The following SENP7 variants were observed in gnomAD, a reference collection of about 807,000 sequenced individuals.
The protein encoded by SENP7 is SUMO specific peptidase 7, also known as sentrin-specific protease 7.
Under a neutral mutation model 141.2 loss-of-function variants are expected in SENP7, and 64 were observed. That is an observed-to-expected ratio of 0.45 (90% CI 0.37 to 0.56). The LOEUF (loss-of-function observed/expected upper bound fraction) is 0.56. Among genes scored for constraint, SENP7 ranks in the 20% least tolerant of loss-of-function variants. The pLI, the probability that SENP7 is intolerant of heterozygous loss-of-function variation, is 0.00. For missense variants in SENP7, 1,025 were observed against 1,212.2 expected, an observed-to-expected ratio of 0.85 and a Z score of 2.29; for synonymous variants, 382 against 426.4, an observed-to-expected ratio of 0.90 and a Z score of 1.28.
intron 15 of SENP7, among the ~76,000 whole-genome samples, chr3:101,340,939 G>A (rs1187091525): frequency 3.9e-5 from 6 of 152,198 alleles, no homozygotes; most frequent in Non-Finnish European, 8.8e-5. Context: ...GAAAAATGTA[G>A]TCAGTAATGA....
At chr3:101,471,226 G>A (rs1008115880) in intron 3 of SENP7, among the ~76,000 whole-genome samples, 3 of 152,124 alleles carry the variant, frequency 2.0e-5, no homozygotes, top group African/African-American at 7.2e-5. Flanking sequence ...AAAGCTGGAG[G>A]CATCACACTA....
At chr3:101,424,184 C>T (rs928766980) in intron 4 of SENP7, among the ~76,000 whole-genome samples, 3 of 152,072 alleles carry the variant, frequency 2.0e-5, no homozygotes, top group African/African-American at 7.2e-5. Context: ...GCATTGGGTG[C>T]CCTGGGGTCC....
At chr3:101,377,165 G>A (rs922433792) in intron 6 of SENP7, among the ~76,000 whole-genome samples, 4 of 152,100 alleles carry the variant, frequency 2.6e-5, no homozygotes, top group Admixed American at 6.5e-5. Context: ...TGCATCAAAC[G>A]AAGTGCAATA....
intron 3 of SENP7, among the ~76,000 whole-genome samples, chr3:101,475,217 G>T (rs1043410255): frequency 6.6e-6 from 1 of 152,208 alleles, no homozygotes; most frequent in Non-Finnish European, 1.5e-5. Context: ...ACACCCAAAG[G>T]AATATAAATC....
intron 12 of SENP7, among the ~76,000 whole-genome samples, chr3:101,349,029 T>G (rs1050053963): frequency 6.6e-6 from 1 of 152,184 alleles, no homozygotes; most frequent in Admixed American, 6.5e-5. Context: ...TCTGGAAGAC[T>G]GTTAGAAATG....
chr3:101,449,150 AT>A (rs1394584687), intron 4 of SENP7, among the ~76,000 whole-genome samples: 1 of 152,102 alleles, frequency 6.6e-6, no homozygotes. Context: ...AATGAATGAA[AT>A]GAAGAGAGAA....
intron 3 of SENP7, among the ~76,000 whole-genome samples, chr3:101,470,551 A>G (rs898020465): frequency 2.6e-5 from 4 of 152,222 alleles, no homozygotes; most frequent in African/African-American, 9.6e-5. Flanking sequence ...ATCATACTGA[A>G]TAGGCAAAAA....
At chr3:101,484,603 C>A (rs1444407434) in intron 3 of SENP7, among the ~76,000 whole-genome samples, 3 of 152,172 alleles carry the variant, frequency 2.0e-5, no homozygotes, top group African/African-American at 4.8e-5. Context: ...CTCCCGAACA[C>A]GTGCCCCCAA....
At chr3:101,396,146 G>A (rs12497154) in intron 6 of SENP7, among the ~76,000 whole-genome samples, 61,390 of 151,912 alleles carry the variant, frequency 0.4, 12,836 homozygotes, top group Admixed American at 0.54. Context: ...TGTCACTAAG[G>A]GAATGAATTT....
intron 1 of SENP7, among the ~76,000 whole-genome samples, chr3:101,510,557 A>G (rs572940963): frequency 6.6e-6 from 1 of 152,148 alleles, no homozygotes; most frequent in Non-Finnish European, 1.5e-5. Context: ...TGATGACTAT[A>G]AATGTCACTT....
intron 3 of SENP7, among the ~76,000 whole-genome samples, chr3:101,481,310 A>C (rs987281948): frequency 6.6e-6 from 1 of 152,216 alleles, no homozygotes; most frequent in Admixed American, 6.5e-5. Context: ...TGGCCATAAA[A>C]AAGAATAAAA....
intron 2 of SENP7, among the ~76,000 whole-genome samples, chr3:101,498,687 T>C (rs2065252348): frequency 6.6e-6 from 1 of 152,146 alleles, no homozygotes; most frequent in African/African-American, 2.4e-5. Context: ...AAATGATGTC[T>C]ATAGTTTAAA....
chr3:101,455,483 T>C (rs2063320050), intron 4 of SENP7, among the ~76,000 whole-genome samples: 1 of 152,186 alleles, frequency 6.6e-6, no homozygotes, highest in Admixed American at 6.5e-5. Flanking sequence ...TCATGTACTC[T>C]TATGACTGAT....
At chr3:101,413,117 A>C (rs1272295486) in intron 5 of SENP7, among the ~76,000 whole-genome samples, 1 of 152,166 alleles carries the variant, frequency 6.6e-6, no homozygotes, top group Non-Finnish European at 1.5e-5. Flanking sequence ...CTGAATGAGT[A>C]ATTTCAGTTT....
chr3:101,453,023 AAAAC>A (rs1403416552), intron 4 of SENP7, among the ~76,000 whole-genome samples: 2 of 152,316 alleles, frequency 1.3e-5, no homozygotes, highest in African/African-American at 4.8e-5. Flanking sequence ...TTATAAGAAA[AAAAC>A]AAACAACCCC....
rs1576249170 is a variant in SENP7, at chr3:101,406,755, T to C, written c.483-7700A>G. Among the ~76,000 whole-genome samples the C allele has an allele frequency of 5.3e-5, 8 of 152,232 alleles. No homozygotes were observed. The East Asian group carries it at 1.5e-3, about 29-fold the overall frequency. On this transcript the variant is annotated intron_variant, in intron 5 of 23. Coordinates refer to ENST00000394095, the MANE Select transcript of SENP7 (RefSeq NM_020654.5). ...AATTCATCACAAAAAGATCATCACC[T>C]AGTCACATTGTCATCAGGTTATCTA... is the stretch of plus-strand genomic sequence containing the variant.
intron 10 of SENP7, among the ~76,000 whole-genome samples, chr3:101,364,228 A>AAAAGAAAGAAAGAAAGAAAGAAAG (rs142675849): frequency 0.015 from 2,296 of 148,748 alleles, 23 homozygotes; most frequent in Middle Eastern, 0.031. Flanking sequence ...CCTTGTCTCA[A>AAAAGAAAGAAAGAAAGAAAGAAAG]AAAGAAAGAA....
intron 6 of SENP7, among the ~76,000 whole-genome samples, chr3:101,392,904 AAGTCAGG>A (rs2060856523): frequency 6.6e-6 from 1 of 152,206 alleles, no homozygotes; most frequent in African/African-American, 2.4e-5. Context: ...AGATTGCTTG[AAGTCAGG>A]AGTTCAAGGG....
chr3:101,376,764 C>A (rs1193625758), intron 6 of SENP7, among the ~76,000 whole-genome samples: 1 of 151,618 alleles, frequency 6.6e-6, no homozygotes, highest in South Asian at 2.1e-4. Context: ...TGCACATGTA[C>A]CCTAAAACTT....
Sources: gnomAD v4.1 joint callset for allele counts (sites outside exome capture counted in the v4.1 genomes callset) on GRCh38, gnomAD v4.1.1 for gene constraint, MANE v1.5 for transcripts, NCBI Gene and HGNC (gene_info 2026-07-23, HGNC 2026-07-21) for gene names.